The following SASH1 variants were observed in gnomAD, a reference collection of about 807,000 sequenced individuals.
SASH1 encodes SAM and SH3 domain-containing protein 1.
In SASH1, 44 loss-of-function variants were observed where a neutral mutation model predicts 125.2. That is an observed-to-expected ratio of 0.35 (90% CI 0.28 to 0.45). The LOEUF (loss-of-function observed/expected upper bound fraction) is 0.45, where lower values mean the gene tolerates loss of function less well. SASH1 is among the 20% of genes least tolerant of loss of function. The pLI is 1.00. For missense variants in SASH1, 1,426 were observed against 1,614.5 expected, an observed-to-expected ratio of 0.88 and a Z score of 2.00; for synonymous variants, 639 against 649.1, an observed-to-expected ratio of 0.98 and a Z score of 0.24.
intron 1 of SASH1, among the ~76,000 whole-genome samples, chr6:148,381,375 G>A (rs1200219086): frequency 1.3e-5 from 2 of 152,292 alleles, no homozygotes; most frequent in Non-Finnish European, 2.9e-5. Flanking sequence ...GAGAGGGAAA[G>A]TGTTTCTGCC....
chr6:148,442,490 C>T (rs2115009932), intron 4 of SASH1, among the ~76,000 whole-genome samples: 1 of 152,142 alleles, frequency 6.6e-6, no homozygotes. Flanking sequence ...CGTGGGCCAC[C>T]AGTTGTTGAC....
chr6:148,388,792 T>C (rs2114820985), intron 1 of SASH1, among the ~76,000 whole-genome samples: 1 of 152,338 alleles, frequency 6.6e-6, no homozygotes, highest in African/African-American at 2.4e-5. Flanking sequence ...GTTAGGCGTG[T>C]GTTGCTATGG....
At chr6:148,224,966 A>C in the SASH1 span, among the ~76,000 whole-genome samples, 72 of 152,186 alleles carry the variant, frequency 4.7e-4, 1 homozygote, top group Non-Finnish European at 4.7e-4. Flanking sequence ...TCCTTCTTGC[A>C]GACAGATGTG....
the SASH1 span, among the ~76,000 whole-genome samples, chr6:148,209,353 G>A: frequency 1.3e-5 from 2 of 152,196 alleles, no homozygotes; most frequent in African/African-American, 4.8e-5. Flanking sequence ...CATCAGAAGA[G>A]ATGAAGCAGA....
intron 4 of SASH1, among the ~76,000 whole-genome samples, chr6:148,444,202 G>A (rs928670478): frequency 6.6e-6 from 1 of 152,182 alleles, no homozygotes; most frequent in African/African-American, 2.4e-5. Context: ...TGTCCTCCTT[G>A]CCCAGCTGAA....
At chr6:148,310,513 A>G (rs1380115269) in intron 1 of SASH1, among the ~76,000 whole-genome samples, 1 of 152,166 alleles carries the variant, frequency 6.6e-6, no homozygotes, top group Non-Finnish European at 1.5e-5. Context: ...ACAAGATATG[A>G]TTCATAAAAG....
the SASH1 span, among the ~76,000 whole-genome samples, chr6:148,259,129 G>C: frequency 6.6e-6 from 1 of 152,208 alleles, no homozygotes. Context: ...GTCTGCGAGG[G>C]ATGAGGGAGA....
the SASH1 span, among the ~76,000 whole-genome samples, chr6:148,265,622 A>C: frequency 1.2e-4 from 19 of 152,304 alleles, no homozygotes; most frequent in African/African-American, 4.3e-4. Flanking sequence ...AAGTAGACAT[A>C]AGAGCATTGA....
At chr6:148,345,337 A>T (rs1418840726) in intron 1 of SASH1, among the ~76,000 whole-genome samples, 1 of 152,068 alleles carries the variant, frequency 6.6e-6, no homozygotes, top group Non-Finnish European at 1.5e-5. Context: ...GAGTTAAAAG[A>T]TGGGGTGGGG....
intron 4 of SASH1, among the ~76,000 whole-genome samples, chr6:148,447,616 C>A (rs559964907): frequency 4.6e-5 from 7 of 151,694 alleles, no homozygotes; most frequent in African/African-American, 1.7e-4. Context: ...TGTCGTCATC[C>A]TCCTCCCCTT....
chr6:148,484,677 A>C (rs1778767908), intron 7 of SASH1, among the ~76,000 whole-genome samples: 1 of 152,038 alleles, frequency 6.6e-6, no homozygotes, highest in African/African-American at 2.4e-5. Flanking sequence ...GCGGCGGCTC[A>C]CACCTCTAAT....
In SASH1 at chr6:148,544,847, C is replaced by G; in HGVS notation, c.3348+29C>G. 1.3e-6 allele frequency: 2 copies of G among 1,527,202 alleles called. No homozygotes were observed. The highest frequency in any genetic ancestry group is 1.8e-6 in the Non-Finnish European group (2 of 1,135,222). The allele number at this position is 1,527,202 out of a possible 1,614,324, so 94.6% of individuals were successfully genotyped here. A position where few individuals can be genotyped will look rare whatever the true frequency, so the allele number is the denominator to read the frequency against. On this transcript the variant is annotated intron_variant, in intron 18 of 19. Transcript: ENST00000367467. The surrounding 1 kb of genome is among the most constrained non-coding windows in gnomAD (Gnocchi z 6.4). ...TCAAAGGTCCTGGGCCCACCACGTT[C>G]ACAGGCCTTTGTTTGTAGAAGTCAG...
rs58822082 is a variant in SASH1 at position 148,511,324 on chromosome 6, T to TACACACACACACAC, written c.730-2963_730-2950dup. ...GCTGACTTCTAGGTTAATTTTCTAT[T>TACACACACACACAC]ACACACACACACACACACACACACA... On this transcript the variant is annotated intron_variant, in intron 8 of 19. Coordinates refer to ENST00000367467, the MANE Select transcript of SASH1 (RefSeq NM_015278.5). 1.3e-3 allele frequency among the ~76,000 whole-genome samples: 180 copies of TACACACACACACAC among 135,458 alleles called. 1 individual carries two copies. Among genetic ancestry groups the TACACACACACACAC allele is most frequent in the Non-Finnish European group, 2.3e-3 (147 of 63,438 alleles). 88.9% of individuals were successfully genotyped at this position (135,458 alleles called of 152,430 possible). A position where few individuals can be genotyped will look rare whatever the true frequency, so the allele number is the denominator to read the frequency against.
At chr6:148,326,851 C>T (rs1205629301) in intron 1 of SASH1, among the ~76,000 whole-genome samples, 4 of 152,096 alleles carry the variant, frequency 2.6e-5, no homozygotes, top group South Asian at 4.1e-4. Flanking sequence ...TAATAAAATC[C>T]GCCCTCCGAG....
In SASH1 at chr6:148,390,041, A is replaced by G. The variant is rs1783634142; in HGVS notation, c.157-93A>G. ...GTTTCCCACTTAAATACCAACCTTT[A>G]TTACTATTAACTCTGCGTAGAGGGA... is the stretch of plus-strand genomic sequence containing the variant. On this transcript the variant is annotated intron_variant, in intron 1 of 19. Transcript: ENST00000367467. 7 of 1,408,278 alleles carry G rather than the reference A, an allele frequency of 5.0e-6. No individual in the cohort carries two copies. The Middle Eastern group carries it at 9.8e-4, about 197-fold the overall frequency. 87.2% of individuals were successfully genotyped at this position (1,408,278 alleles called of 1,614,324 possible). A position where few individuals can be genotyped will look rare whatever the true frequency, so the allele number is the denominator to read the frequency against.
At chr6:148,542,886 G>GCA (rs1562500396) in intron 17 of SASH1, among the ~76,000 whole-genome samples, 44 of 151,486 alleles carry the variant, frequency 2.9e-4, no homozygotes, top group African/African-American at 9.5e-4. Flanking sequence ...GTGTGCGCGC[G>GCA]CACATGTAAG....
chr6:148,486,512 A>G (rs1285028992), intron 7 of SASH1, among the ~76,000 whole-genome samples: 2 of 152,172 alleles, frequency 1.3e-5, no homozygotes, highest in Non-Finnish European at 2.9e-5. Context: ...AGATCTCAAT[A>G]GAGAGACCAT....
intron 10 of SASH1, among the ~76,000 whole-genome samples, chr6:148,522,647 CAT>C (rs1780890616): frequency 1.3e-5 from 2 of 152,232 alleles, no homozygotes; most frequent in South Asian, 2.1e-4. Flanking sequence ...AACCCCAAAA[CAT>C]GTGTTTCCAA....
chr6:148,503,952 G>A (rs910979995), intron 8 of SASH1, among the ~76,000 whole-genome samples: 4 of 152,220 alleles, frequency 2.6e-5, no homozygotes, highest in African/African-American at 9.6e-5. Context: ...AATAATATAT[G>A]TCATGTGTAG....
Sources: allele counts gnomAD v4.1 joint callset (sites outside exome capture counted in the v4.1 genomes callset), GRCh38; gene constraint gnomAD v4.1.1; non-coding constraint Gnocchi (gnomAD v3.1); transcripts MANE v1.5; gene names NCBI Gene and HGNC (gene_info 2026-07-23, HGNC 2026-07-21).